CCDC158: variants seen among roughly 807,000 people sequenced by gnomAD.
CCDC158 encodes coiled-coil domain containing 158, also known as coiled-coil domain-containing protein 158.
A neutral mutation model predicts 138.6 loss-of-function variants in CCDC158; 116 were observed. The ratio of observed to expected loss-of-function variants is 0.84; its 90% CI spans 0.72 to 0.98. The LOEUF (loss-of-function observed/expected upper bound fraction) is 0.98, where lower values mean the gene tolerates loss of function less well. Among genes scored for constraint, CCDC158 ranks in the 50% least tolerant of loss-of-function variants. CCDC158 has a pLI of 0.00. For missense variants in CCDC158, 1,265 were observed against 1,306.1 expected, an observed-to-expected ratio of 0.97 and a Z score of 0.48; for synonymous variants, 436 against 442.4, an observed-to-expected ratio of 0.99 and a Z score of 0.18.
intron 2 of CCDC158, among the ~76,000 whole-genome samples, chr4:76,409,940 C>G (rs1184366041): frequency 6.6e-6 from 1 of 151,468 alleles, no homozygotes; most frequent in Non-Finnish European, 1.5e-5. Context: ...AAACCACAGA[C>G]CACAAAGAGG....
chr4:76,399,582 G>A lies in CCDC158; in HGVS notation c.71-3096C>T, dbSNP rs541207845. Among the ~76,000 whole-genome samples, 19 of 152,318 alleles carry A rather than the reference G, an allele frequency of 1.2e-4. No individual in the cohort carries two copies. The South Asian group carries it at 3.3e-3, about 27-fold the overall frequency. On this transcript the variant is annotated intron_variant, in intron 3 of 24. Transcript: ENST00000682701. ...CACTGGAATACTGGGAGCAAAAGCT[G>A]TAAGATAATAGCTTGTAGAGTGAAT...
chr4:76,315,453 C>A (rs1336429364), intron 24 of CCDC158, among the ~76,000 whole-genome samples: 1 of 152,222 alleles, frequency 6.6e-6, no homozygotes, highest in Non-Finnish European at 1.5e-5. Context: ...TGTCTACTAT[C>A]ATAGCTTGTG....
At chr4:76,315,482 C>T (rs181889281) in intron 24 of CCDC158, among the ~76,000 whole-genome samples, 23 of 152,238 alleles carry the variant, frequency 1.5e-4, no homozygotes, top group Non-Finnish European at 2.6e-4. Context: ...AAAGTGCCAC[C>T]CCTTGGCTGG....
At chr4:76,410,760 G>A (rs1319653988) in intron 2 of CCDC158, among the ~76,000 whole-genome samples, 3 of 152,150 alleles carry the variant, frequency 2.0e-5, no homozygotes, top group Non-Finnish European at 4.4e-5. Flanking sequence ...CATTCATGTT[G>A]AACAGTATTG....
Position 76,371,552 on chromosome 4 carries a change from A to C in CCDC158, c.1030-16T>G. ...GCTCTTCTGTCTGAAAGGAAAGTAC[A>C]AATTGAACAGTGTCTGATTATGACA... On this transcript the variant is annotated splice_polypyrimidine_tract_variant and intron_variant, in intron 9 of 24. Transcript: ENST00000682701. The C allele has an allele frequency of 6.2e-7, 1 of 1,613,840 alleles. No individual in the cohort carries two copies. Among genetic ancestry groups the C allele is most frequent in the Non-Finnish European group, 8.5e-7 (1 of 1,179,792 alleles).
intron 22 of CCDC158, among the ~76,000 whole-genome samples, chr4:76,327,711 A>T (rs551931522): frequency 4.9e-4 from 75 of 152,316 alleles, no homozygotes; most frequent in African/African-American, 1.8e-3. Context: ...TACGCAGCAC[A>T]TGACTGTATA....
Position 76,396,471 on chromosome 4 carries a change from A to C in CCDC158, c.86T>G (p.Phe29Cys). ...VTSNGGSSSS[F>C]FVSSIRGTII... is the part of the protein sequence containing the mutation. Reference sequence around the variant, plus strand: ...TGTACCACGAATAGATGACACAAAAAATGAACTTGAAGAACCTAAATATTA... The same window carrying C: ...TGTACCACGAATAGATGACACAAAACATGAACTTGAAGAACCTAAATATTA... The change falls in exon 4 of 25, where the codon TTT (phenylalanine) becomes TGT (cysteine). Residue 29 changes from phenylalanine to cysteine, a missense_variant. Physicochemically the swap from Phe to Cys is radical, Grantham distance 205. Coordinates refer to ENST00000682701, the MANE Select transcript of CCDC158 (RefSeq NM_001394954.1). 6.2e-7 allele frequency: 1 copy of C among 1,604,456 alleles called. No individual in the cohort carries two copies.
At position 76,334,841 on chromosome 4, in the gene CCDC158, G is replaced by A. The variant is rs115543325; in HGVS notation, c.2665-674C>T. Among the ~76,000 whole-genome samples the A allele has an allele frequency of 9.7e-3, 1,473 of 152,282 alleles. 23 individuals are homozygous for A. Among genetic ancestry groups the A allele is most frequent in the African/African-American group, 0.034 (1,408 of 41,558 alleles). ...TCTAGCTGAAGGAGTCCATCCCACT[G>A]AAAAGTTACACCTGTCACACAGATT... On this transcript the variant is annotated intron_variant, in intron 18 of 24. Transcript: ENST00000682701.
chr4:76,340,260 C>T (rs1324308422), intron 18 of CCDC158, among the ~76,000 whole-genome samples: 1 of 152,188 alleles, frequency 6.6e-6, no homozygotes, highest in Non-Finnish European at 1.5e-5. Flanking sequence ...TGTGCCAGGG[C>T]CTCCTTTCTC....
At chr4:76,397,601 T>A (rs1249839109) in intron 3 of CCDC158, among the ~76,000 whole-genome samples, 1 of 152,170 alleles carries the variant, frequency 6.6e-6, no homozygotes, top group East Asian at 1.9e-4. Flanking sequence ...ATTCTGAAAC[T>A]AGTTCATGTG....
intron 1 of CCDC158, among the ~76,000 whole-genome samples, chr4:76,417,790 G>A (rs1729815124): frequency 6.6e-6 from 1 of 152,108 alleles, no homozygotes; most frequent in Non-Finnish European, 1.5e-5. Context: ...TGACAGAAAG[G>A]GGTCAGCCTC....
chr4:76,362,189 G>A lies in CCDC158; in HGVS notation c.1957C>T (p.Gln653Ter). The change falls in exon 13 of 25, where the codon CAA becomes TAA. Residue 653 changes from glutamine to a stop codon, truncating the protein, a stop_gained. Coordinates refer to ENST00000682701, the MANE Select transcript of CCDC158 (RefSeq NM_001394954.1). LOFTEE classifies it high-confidence loss of function. ...ERLRAVKDIK[Q>*]ERDQLLNEVK... ...TCATTTAATAATTGATCTCTCTCTT[G>A]TTTGATGTCCTTCACTGCACGGAGC... 6.2e-7 allele frequency: 1 copy of A among 1,613,966 alleles called. No homozygotes were observed. The highest frequency in any genetic ancestry group is 2.2e-5 in the East Asian group (1 of 44,878).
At chr4:76,371,129 T>C (rs1174372812) in intron 10 of CCDC158, among the ~76,000 whole-genome samples, 1 of 152,202 alleles carries the variant, frequency 6.6e-6, no homozygotes, top group African/African-American at 2.4e-5. Flanking sequence ...AAAATGAACG[T>C]GTAACACTAC....
At chr4:76,328,512 A>C (rs1313223315) in intron 22 of CCDC158, among the ~76,000 whole-genome samples, 2 of 152,192 alleles carry the variant, frequency 1.3e-5, no homozygotes, top group Non-Finnish European at 2.9e-5. Flanking sequence ...TTGAACTCCT[A>C]GGCTCAAGCA....
Position 76,357,487 on chromosome 4 carries a change from C to T in CCDC158, c.2060G>A (p.Ser687Asn). Residue 687 changes from serine to asparagine, a missense_variant, in exon 14 of 25, where the codon AGT becomes AAT. Ser to Asn is a conservative substitution (Grantham distance 46, BLOSUM62 1). Transcript: ENST00000682701. Reference protein sequence around the residue: ...EVLKRNFRNKSEEMEMTTNKL... With the variant: ...EVLKRNFRNKNEEMEMTTNKL... Reference sequence around the variant, plus strand: ...ATTTGTAGTCATTTCCATTTCTTCACTTTTGTTTCGGAAATTCCTTTTTAA... The same window carrying T: ...ATTTGTAGTCATTTCCATTTCTTCATTTTTGTTTCGGAAATTCCTTTTTAA... The T allele has an allele frequency of 1.2e-6, 2 of 1,601,832 alleles. No individual in the cohort carries two copies. The highest frequency in any genetic ancestry group is 8.5e-7 in the Non-Finnish European group (1 of 1,173,214).
intron 14 of CCDC158, 21 bp from the exon 15 acceptor site, chr4:76,355,457 A>G (rs1415428277): frequency 6.8e-7 from 1 of 1,476,818 alleles, no homozygotes; most frequent in South Asian, 1.1e-5. Flanking sequence ...AAAAGAGGCA[A>G]ACTATGCCTT....
chr4:76,400,520 G>T (rs914620634), intron 3 of CCDC158, among the ~76,000 whole-genome samples: 3 of 151,522 alleles, frequency 2.0e-5, no homozygotes, highest in South Asian at 2.1e-4. Flanking sequence ...AACCTGCACG[G>T]TGTGCACATG....
chr4:76,416,016 T>C (rs986725267), intron 1 of CCDC158, among the ~76,000 whole-genome samples: 1 of 152,254 alleles, frequency 6.6e-6, no homozygotes, highest in African/African-American at 2.4e-5. Context: ...TCAGTGGTCA[T>C]GCTCCTAGTC....
chr4:76,349,233 C>G (rs1214350838), intron 18 of CCDC158, among the ~76,000 whole-genome samples: 2 of 151,882 alleles, frequency 1.3e-5, no homozygotes, highest in Admixed American at 1.3e-4. Flanking sequence ...CATCAGTGAA[C>G]AAAACAAAGA....
Sources: allele counts gnomAD v4.1 joint callset (sites outside exome capture counted in the v4.1 genomes callset), GRCh38; gene constraint gnomAD v4.1.1; transcripts MANE v1.5; gene names NCBI Gene and HGNC (gene_info 2026-07-23, HGNC 2026-07-21).